The following TMEM50B variants were observed in gnomAD, a reference collection of about 807,000 sequenced individuals.
The protein encoded by TMEM50B is HCV p7-trans-regulated protein 3.
Under a neutral mutation model 23.4 loss-of-function variants are expected in TMEM50B, and 14 were observed. That is an observed-to-expected ratio of 0.60 (90% CI 0.39 to 0.93). The LOEUF (loss-of-function observed/expected upper bound fraction) is 0.93, where lower values mean the gene tolerates loss of function less well. Among genes scored for constraint, TMEM50B ranks in the 40% least tolerant of loss-of-function variants. The probability of loss-of-function intolerance (pLI) is 0.00; values close to 1 mark genes in which losing one functional copy is unlikely to be tolerated. For missense variants in TMEM50B, 159 were observed against 193.0 expected (o/e 0.82, Z 1.04); for synonymous variants, 64 against 62.3 (o/e 1.03, Z -0.13).
chr21:33,449,018 G>A (rs1401961373), downstream of TMEM50B: 10 of 151,906 alleles, frequency 6.6e-5, no homozygotes. Flanking sequence ...CATTTTACAA[G>A]TCTATTTCTT....
At position 33,436,328 on chromosome 21, in the gene TMEM50B, C is replaced by CA. The variant is rs113181168; in HGVS notation, c.*2120+2885dup. Reference sequence around the variant, plus strand: ...TGGGCAACAACGTGAAACTCCGTCTCAAAAAAAAAAAATTGTTTCATTGTT... The same window carrying CA: ...TGGGCAACAACGTGAAACTCCGTCTCAAAAAAAAAAAAATTGTTTCATTGTT... On this transcript the variant is annotated intron_variant and NMD_transcript_variant, in intron 8 of 8. Coordinates refer to the TMEM50B transcript ENST00000420455. Among the ~76,000 whole-genome samples the CA allele has an allele frequency of 4.9e-4, 67 of 135,576 alleles. 1 individual carries two copies. Among genetic ancestry groups the CA allele is most frequent in the South Asian group, 3.0e-3 (13 of 4,356 alleles). The allele number at this position is 135,576 out of a possible 152,430, so 88.9% of individuals were successfully genotyped here.
At chr21:33,469,971 GTAAGACA>G (rs2084298093) in intron 1 of TMEM50B, among the ~76,000 whole-genome samples, 1 of 152,116 alleles carries the variant, frequency 6.6e-6, no homozygotes, top group African/African-American at 2.4e-5. Context: ...CTGTAACGCA[GTAAGACA>G]TAACTGGAAG....
intron 4 of TMEM50B, among the ~76,000 whole-genome samples, chr21:33,464,106 G>A (rs143999913): frequency 6.6e-6 from 1 of 152,106 alleles, no homozygotes; most frequent in African/African-American, 2.4e-5. Context: ...GACTGTCCAT[G>A]TTCAATCCTG....
At chr21:33,473,886 T>A (rs1363085646) in intron 1 of TMEM50B, among the ~76,000 whole-genome samples, 1 of 152,200 alleles carries the variant, frequency 6.6e-6, no homozygotes, top group Non-Finnish European at 1.5e-5. Flanking sequence ...TGATAGATGC[T>A]ACATGAACGA....
At chr21:33,437,280 T>TGA in intron 8 of TMEM50B, 3 of 316,686 alleles carry the variant, frequency 9.5e-6, no homozygotes, top group South Asian at 6.2e-5. Flanking sequence ...ACTTTTTTCA[T>TGA]TATTGGTTGG....
At chr21:33,443,580 G>C (rs188858917) in intron 7 of TMEM50B, among the ~76,000 whole-genome samples, 2 of 152,154 alleles carry the variant, frequency 1.3e-5, no homozygotes, top group Non-Finnish European at 2.9e-5. Flanking sequence ...GGGATATGAC[G>C]ACTAAATGCA....
chr21:33,439,709 T>C (rs2083991469), intron 7 of TMEM50B, among the ~76,000 whole-genome samples: 1 of 151,686 alleles, frequency 6.6e-6, no homozygotes, highest in Non-Finnish European at 1.5e-5. Flanking sequence ...ATGAAATGCC[T>C]CATTCTCCTT....
chr21:33,473,094 C>G (rs4817574), intron 1 of TMEM50B, among the ~76,000 whole-genome samples: 114,711 of 151,830 alleles, frequency 0.76, 43,696 homozygotes, highest in Middle Eastern at 0.8. Flanking sequence ...AATGATGGCT[C>G]ACTTCTAACC....
downstream of TMEM50B, among the ~76,000 whole-genome samples, chr21:33,447,713 CACACACATAT>C (rs753396004): frequency 0.13 from 14,854 of 116,680 alleles, 899 homozygotes; most frequent in Non-Finnish European, 0.15. Flanking sequence ...CACACACACA[CACACACATAT>C]ATATATATAC....
intron 7 of TMEM50B, among the ~76,000 whole-genome samples, chr21:33,443,550 C>T (rs1332027311): frequency 3.3e-5 from 5 of 152,154 alleles, no homozygotes; most frequent in African/African-American, 4.8e-5. Flanking sequence ...AGAACCATTC[C>T]AAATATTAGA....
intron 6 of TMEM50B, among the ~76,000 whole-genome samples, 173 bp downstream of exon 6, chr21:33,455,554 T>C (rs1300239646): frequency 6.6e-6 from 1 of 152,200 alleles, no homozygotes; most frequent in Non-Finnish European, 1.5e-5. Flanking sequence ...GCAAGACCTC[T>C]AGTTAAAAGG....
At chr21:33,452,396 G>A (rs1240865319) in intron 6 of TMEM50B, among the ~76,000 whole-genome samples, 2 of 152,196 alleles carry the variant, frequency 1.3e-5, no homozygotes, top group African/African-American at 4.8e-5. Flanking sequence ...CCTTCAGTCT[G>A]TGGCTGAGTA....
chr21:33,477,555 G>A, intron 1 of TMEM50B, among the ~76,000 whole-genome samples: 1 of 152,030 alleles, frequency 6.6e-6, no homozygotes, highest in Admixed American at 6.6e-5. Flanking sequence ...AAGTAAAACG[G>A]GCTAGGTACG....
At chr21:33,474,807 T>A (rs1268036209) in intron 1 of TMEM50B, among the ~76,000 whole-genome samples, 3 of 69,868 alleles carry the variant, frequency 4.3e-5, no homozygotes, top group East Asian at 2.8e-4. Flanking sequence ...TAAAAATAAA[T>A]AAATAAATAA....
chr21:33,436,471 C>T (rs2083952392), intron 8 of TMEM50B, among the ~76,000 whole-genome samples: 1 of 152,068 alleles, frequency 6.6e-6, no homozygotes, highest in African/African-American at 2.4e-5. Flanking sequence ...GCCTATAATC[C>T]CAGCACTTTG....
At chr21:33,456,861 T>C (rs566833399) in intron 5 of TMEM50B, among the ~76,000 whole-genome samples, 27 of 152,352 alleles carry the variant, frequency 1.8e-4, no homozygotes, top group African/African-American at 5.8e-4. Flanking sequence ...TAGCTATTAC[T>C]ATGAATATTA....
rs536341518 is a variant in TMEM50B at position 33,473,408 on chromosome 21, G to A, written c.-41-4482C>T. Among the ~76,000 whole-genome samples, 22 of 145,828 alleles carry A rather than the reference G, an allele frequency of 1.5e-4. No homozygotes were observed. In the East Asian group the frequency reaches 2.1e-3, roughly 14 times the overall value. ...CTGGAGGTTGCAGTGAGCTGAGATC[G>A]CACCACTGCACTCCAGCCTGGGCAA... On this transcript the variant is annotated intron_variant, in intron 1 of 6. Coordinates refer to ENST00000542230, the MANE Select transcript of TMEM50B (RefSeq NM_006134.7).
intron 4 of TMEM50B, among the ~76,000 whole-genome samples, chr21:33,463,518 T>TG (rs2084235804): frequency 6.6e-6 from 1 of 152,094 alleles, no homozygotes; most frequent in African/African-American, 2.4e-5. Context: ...GGGAACTTTT[T>TG]GGGGCAATGG....
At chr21:33,456,696 G>A (rs1253382941) in intron 5 of TMEM50B, among the ~76,000 whole-genome samples, 1 of 152,134 alleles carries the variant, frequency 6.6e-6, no homozygotes, top group African/African-American at 2.4e-5. Context: ...CTAACTGTAT[G>A]ACCTTGGGCA....
Sources: allele counts gnomAD v4.1 joint callset (sites outside exome capture counted in the v4.1 genomes callset), GRCh38; gene constraint gnomAD v4.1.1; transcripts MANE v1.5; gene names NCBI Gene and HGNC (gene_info 2026-07-23, HGNC 2026-07-21).